The following MTERF4 variants were observed in gnomAD, a reference collection of about 807,000 sequenced individuals.
The protein encoded by MTERF4 is transcription termination factor 4, mitochondrial.
Under a neutral mutation model 22.5 loss-of-function variants are expected in MTERF4, and 17 were observed. The ratio of observed to expected loss-of-function variants is 0.75; its 90% CI spans 0.52 to 1.13. MTERF4 has a LOEUF of 1.13. MTERF4 is among the 50% of genes most tolerant of loss of function. MTERF4 has a pLI of 0.00. For missense variants in MTERF4, 420 were observed against 466.8 expected, an observed-to-expected ratio of 0.90 and a Z score of 0.92; for synonymous variants, 165 against 175.3, an observed-to-expected ratio of 0.94 and a Z score of 0.47.
chr2:241,052,879 T>C, the MTERF4 span, among the ~76,000 whole-genome samples: 4 of 128,216 alleles, frequency 3.1e-5, no homozygotes, highest in Non-Finnish European at 7.1e-5. Context: ...GTACATGGGA[T>C]ACCAGTGGCA....
At chr2:241,088,772 G>C (rs934823274), downstream of MTERF4, 1 of 276,914 alleles carries the variant, frequency 3.6e-6, no homozygotes, top group African/African-American at 2.2e-5. Flanking sequence ...TGGCACCTGG[G>C]AGGAGGGGCC....
chr2:241,051,967 G>A, the MTERF4 span: 1 of 1,501,676 alleles, frequency 6.7e-7, no homozygotes, highest in Non-Finnish European at 9.2e-7. The surrounding 1 kb of genome is among the most constrained non-coding windows in gnomAD (Gnocchi z 4.7). Context: ...CTCATGAAGA[G>A]GCCCCAGCTC....
At chr2:241,061,854 CA>C in the MTERF4 span, among the ~76,000 whole-genome samples, 776 of 118,020 alleles carry the variant, frequency 6.6e-3, 4 homozygotes, top group Non-Finnish European at 8.4e-3. Context: ...TCCATCCCCC[CA>C]AAAAAAAAAA....
downstream of MTERF4, chr2:241,090,523 TC>T: frequency 7.0e-7 from 1 of 1,418,702 alleles, no homozygotes; most frequent in South Asian, 1.4e-5. Flanking sequence ...TATTATGTAC[TC>T]TACATAATTG....
chr2:241,067,997 G>A (rs1479304288), downstream of MTERF4: 2 of 1,539,408 alleles, frequency 1.3e-6, no homozygotes, highest in East Asian at 2.3e-5. Flanking sequence ...CAGGGGTGGG[G>A]GCTCGGGGAC....
At chr2:241,044,092 T>C in the MTERF4 span, among the ~76,000 whole-genome samples, 1 of 151,888 alleles carries the variant, frequency 6.6e-6, no homozygotes, top group Admixed American at 6.6e-5. Context: ...ATTGTGGAGA[T>C]AGAAATTGAA....
At chr2:241,094,436 G>A (rs746744477), downstream of MTERF4, 5 of 470,776 alleles carry the variant, frequency 1.1e-5, no homozygotes, top group African/African-American at 2.0e-5. This position sits in a 1 kb window ranked among gnomAD's most constrained non-coding sequence, Gnocchi z 4.3. Context: ...GAGGCTGCTG[G>A]AGAAAACAAA....
At chr2:241,049,745 G>A in the MTERF4 span, 1 of 1,165,718 alleles carries the variant, frequency 8.6e-7, no homozygotes, top group Non-Finnish European at 1.3e-6. Flanking sequence ...CAGGCAAGGT[G>A]CCCGCCAGCC....
chr2:241,058,225 G>A, the MTERF4 span, among the ~76,000 whole-genome samples: 15 of 152,122 alleles, frequency 9.9e-5, 1 homozygote, highest in Admixed American at 5.2e-4. Flanking sequence ...AATTGGTTCC[G>A]TTCACGAAGA....
chr2:241,096,670 A>G lies in MTERF4; in HGVS notation c.706-232T>C. 3 of 656,702 alleles carry G rather than the reference A, an allele frequency of 4.6e-6. No individual in the cohort carries two copies. The highest frequency in any genetic ancestry group is 8.6e-6 in the Non-Finnish European group (3 of 347,776). 40.7% of individuals were successfully genotyped at this position (656,702 alleles called of 1,614,324 possible). A position where few individuals can be genotyped will look rare whatever the true frequency, so the allele number is the denominator to read the frequency against. ...AGGAAATAAAGGGGTGGGAGGGAAA[A>G]GGGGCAGGAGGGAGAAGGGGCAGAA... On this transcript the variant is annotated intron_variant, in intron 3 of 3. Transcript: ENST00000391980. This position sits in a 1 kb window ranked among gnomAD's most constrained non-coding sequence, Gnocchi z 5.1.
the MTERF4 span, chr2:241,063,896 C>T: frequency 3.6e-6 from 3 of 839,814 alleles, no homozygotes; most frequent in South Asian, 3.3e-5. Flanking sequence ...TGCCCACTGC[C>T]CCTCTCTCCT....
At chr2:241,064,815 A>G in the MTERF4 span, 1 of 1,523,150 alleles carries the variant, frequency 6.6e-7, no homozygotes. This position sits in a 1 kb window ranked among gnomAD's most constrained non-coding sequence, Gnocchi z 7.0. Flanking sequence ...CCACGCCCCA[A>G]CATACACTGC....
downstream of MTERF4, chr2:241,088,486 C>A: frequency 9.1e-7 from 1 of 1,096,152 alleles, no homozygotes; most frequent in Non-Finnish European, 1.4e-6. Flanking sequence ...TCTCAGAGTG[C>A]CGCTGCCTGC....
downstream of MTERF4, among the ~76,000 whole-genome samples, chr2:241,084,030 T>A (rs2063458612): frequency 6.6e-6 from 1 of 152,164 alleles, no homozygotes; most frequent in Non-Finnish European, 1.5e-5. Context: ...TTCTTAGGTT[T>A]ATTGTTTAGA....
downstream of MTERF4, chr2:241,070,141 G>C: frequency 6.2e-7 from 1 of 1,611,576 alleles, no homozygotes; most frequent in Non-Finnish European, 8.5e-7. Context: ...TGTGATAGCA[G>C]TGCAGAGCAC....
the MTERF4 span, among the ~76,000 whole-genome samples, chr2:241,061,017 T>C: frequency 6.6e-6 from 1 of 152,216 alleles, no homozygotes; most frequent in East Asian, 1.9e-4. Context: ...GAAAGACTCC[T>C]TAAGCCACAA....
chr2:241,059,814 C>T, the MTERF4 span, among the ~76,000 whole-genome samples: 1 of 152,182 alleles, frequency 6.6e-6, no homozygotes, highest in Admixed American at 6.5e-5. Context: ...TACCAGTGTA[C>T]TCAGTGGTGA....
downstream of MTERF4, chr2:241,089,231 T>C (rs2063752150): frequency 1.4e-6 from 2 of 1,427,144 alleles, no homozygotes; most frequent in Non-Finnish European, 9.4e-7. Flanking sequence ...GATGAATCTC[T>C]GGTTGGCCTA....
chr2:241,072,295 T>C (rs1189963992), exon 5 of MTERF4: 1 of 448,174 alleles, frequency 2.2e-6, no homozygotes, highest in African/African-American at 2.0e-5. Context: ...TCCGCCACTG[T>C]CCTGGCAAGA....
Sources: gnomAD v4.1 joint callset for allele counts (sites outside exome capture counted in the v4.1 genomes callset) on GRCh38, gnomAD v4.1.1 for gene constraint, Gnocchi (gnomAD v3.1) non-coding constraint, MANE v1.5 for transcripts, NCBI Gene and HGNC (gene_info 2026-07-23, HGNC 2026-07-21) for gene names.